TRIP11: variants seen among roughly 807,000 people sequenced by gnomAD.
The protein encoded by TRIP11 is thyroid hormone receptor interactor 11.
TRIP11 carries 148 observed loss-of-function variants against 223.1 expected under a neutral mutation model. The observed-to-expected ratio is 0.66, with a 90% CI of 0.58 to 0.76. The LOEUF (loss-of-function observed/expected upper bound fraction) is 0.76, where lower values mean the gene tolerates loss of function less well. Ranked by LOEUF, TRIP11 falls within the 30% of genes least tolerant of loss-of-function variation. The probability of loss-of-function intolerance (pLI) is 0.00; values close to 1 mark genes in which losing one functional copy is unlikely to be tolerated. For synonymous variants in TRIP11, 762 were observed against 772.6 expected (o/e 0.99, Z 0.23); for missense variants, 2,043 against 2,222.0 (o/e 0.92, Z 1.62).
Position 91,969,743 on chromosome 14 carries a change from G to A in TRIP11, c.5870C>T (p.Thr1957Ile). The A allele has an allele frequency of 1.2e-6, 2 of 1,613,802 alleles. No homozygotes were observed. The highest frequency in any genetic ancestry group is 8.5e-7 in the Non-Finnish European group (1 of 1,180,040). ...AGGTAACGCTGGCAAAGGTGTAAAT[G>A]TGGGCAAAACATCTGAGATGGGTTT... Reference protein sequence around the residue: ...LLKPISDVLPTFTPLPALPDN... With the variant: ...LLKPISDVLPIFTPLPALPDN... The change falls in exon 21 of 21, where the codon ACA becomes ATA. Residue 1957 changes from threonine to isoleucine, a missense_variant. By Grantham distance (89) the Thr-to-Ile change is moderately conservative. Coordinates refer to ENST00000267622, the MANE Select transcript of TRIP11 (RefSeq NM_004239.4).
At chr14:92,038,119 T>C (rs997953097) in intron 1 of TRIP11, among the ~76,000 whole-genome samples, 2 of 151,816 alleles carry the variant, frequency 1.3e-5, no homozygotes, top group Admixed American at 6.6e-5. Context: ...AAGTAGGAGA[T>C]GAAAAAAGAC....
chr14:91,996,434 T>C (rs1184783480), intron 13 of TRIP11, among the ~76,000 whole-genome samples: 1 of 152,152 alleles, frequency 6.6e-6, no homozygotes, highest in Non-Finnish European at 1.5e-5. Context: ...CCCAGCCCTT[T>C]GAGAGGCCAA....
chr14:92,002,800 C>CA (rs1285556318), intron 11 of TRIP11, among the ~76,000 whole-genome samples: 2 of 151,996 alleles, frequency 1.3e-5, no homozygotes, highest in Non-Finnish European at 2.9e-5. Flanking sequence ...AGGCTGGTCT[C>CA]AAACTCCTGA....
At chr14:91,974,476 C>T (rs905758020) in intron 19 of TRIP11, 151 bp downstream of exon 19, 4 of 645,556 alleles carry the variant, frequency 6.2e-6, no homozygotes, top group African/African-American at 5.5e-5. Context: ...TATCCTTAAG[C>T]TTAATCACCT....
chr14:91,985,839 G>A (rs547049783), intron 16 of TRIP11, among the ~76,000 whole-genome samples: 145 of 152,246 alleles, frequency 9.5e-4, no homozygotes, highest in Middle Eastern at 3.4e-3. Flanking sequence ...AATATACAGC[G>A]ATTCTTTTGA....
intron 14 of TRIP11, among the ~76,000 whole-genome samples, chr14:91,994,442 C>T (rs1380655854): frequency 4.6e-5 from 7 of 152,028 alleles, no homozygotes; most frequent in Non-Finnish European, 1.5e-5. Flanking sequence ...TGGGGTTTCA[C>T]CACATTGGCC....
intron 15 of TRIP11, among the ~76,000 whole-genome samples, chr14:91,989,858 T>C (rs759932764): frequency 3.9e-5 from 6 of 152,118 alleles, no homozygotes; most frequent in Non-Finnish European, 8.8e-5. Context: ...AAAGAAGAAA[T>C]TCCTTCTTTG....
Position 92,017,689 on chromosome 14 carries a change from A to T in TRIP11, c.650T>A (p.Ile217Asn), listed in dbSNP as rs995591815. 1 of 1,611,210 alleles carries T rather than the reference A, an allele frequency of 6.2e-7. No homozygotes were observed. The highest frequency in any genetic ancestry group is 8.5e-7 in the Non-Finnish European group (1 of 1,178,086). ...ATCAACAATTTGACTTACCTTAATG[A>T]TATTTTGTAGTTTACATATTTCACT... ...DQSEICKLQN[I>N]IKELKQNRSQ... Residue 217 changes from isoleucine (I) to asparagine (N), a missense_variant, in exon 5 of 21, where the codon ATC (isoleucine) becomes AAC (asparagine). Physicochemically the swap from Ile to Asn is moderately radical, Grantham distance 149. Coordinates refer to ENST00000267622, the MANE Select transcript of TRIP11 (RefSeq NM_004239.4).
intron 16 of TRIP11, among the ~76,000 whole-genome samples, chr14:91,982,311 G>A (rs183729319): frequency 2.0e-5 from 3 of 152,224 alleles, no homozygotes; most frequent in East Asian, 3.9e-4. Flanking sequence ...TATTATGAGT[G>A]GTTATATACT....
rs2056629170 is a variant in TRIP11, at chr14:91,988,376, A to T, written c.5168T>A (p.Leu1723Ter). 6.2e-7 allele frequency: 1 copy of T among 1,613,512 alleles called. No homozygotes were observed. Among genetic ancestry groups the T allele is most frequent in the East Asian group, 2.2e-5 (1 of 44,862 alleles). ...ATCCAATGCAGCATTTGCTTCATCC[A>T]AACATTCCTGAGAAAGAAAACTTTA... Reference protein sequence around the residue: ...EGKVISLQECLDEANAALDSA... With the variant: ...EGKVISLQEC The change falls in exon 16 of 21, where the codon TTG becomes TAG. Residue 1723 changes from leucine (L) to a stop codon, truncating the protein, a stop_gained. Coordinates refer to ENST00000267622, the MANE Select transcript of TRIP11 (RefSeq NM_004239.4). LOFTEE classifies it high-confidence loss of function.
intron 19 of TRIP11, 92 bp from the exon 20 acceptor site, chr14:91,972,953 TA>T: frequency 3.7e-6 from 4 of 1,089,378 alleles, no homozygotes; most frequent in Non-Finnish European, 5.2e-6. Flanking sequence ...AATTAAATAT[TA>T]AAAATTAATC....
rs372507262 is a variant in TRIP11, at chr14:91,999,234, A to T, written c.4892+6T>A. 4.3e-6 allele frequency: 7 copies of T among 1,612,114 alleles called. No homozygotes were observed. The highest frequency in any genetic ancestry group is 5.9e-6 in the Non-Finnish European group (7 of 1,179,746). On this transcript the variant is annotated splice_donor_region_variant and intron_variant, in intron 13 of 20. Coordinates refer to ENST00000267622, the MANE Select transcript of TRIP11 (RefSeq NM_004239.4). ...TAAAGTTAATGCAAAAAAATGAAAA[A>T]ATTACCTTGCATTTTCCATTGCATT...
rs546467807 is a variant in TRIP11, at chr14:92,026,994, C to T, written c.202-1574G>A. Reference sequence around the variant, plus strand: ...GTGGTCACCTTCAAGTAGAGAGGCCCGCCCGCCCACCGTGGGCAGTGCCAC... The same window carrying T: ...GTGGTCACCTTCAAGTAGAGAGGCCTGCCCGCCCACCGTGGGCAGTGCCAC... On this transcript the variant is annotated intron_variant, in intron 2 of 20. Coordinates refer to ENST00000267622, the MANE Select transcript of TRIP11 (RefSeq NM_004239.4). 37 of 761,386 alleles carry T rather than the reference C, an allele frequency of 4.9e-5. No individual in the cohort carries two copies. In the East Asian group the frequency reaches 7.0e-4, roughly 14 times the overall value. 47.2% of individuals were successfully genotyped at this position (761,386 alleles called of 1,614,324 possible).
intron 14 of TRIP11, 86 bp from the exon 15 acceptor site, chr14:91,993,998 A>G (rs2056715349): frequency 8.0e-6 from 8 of 996,626 alleles, no homozygotes; most frequent in Non-Finnish European, 1.2e-5. Flanking sequence ...TAATAATCCA[A>G]CGAAAACAGT....
intron 13 of TRIP11, among the ~76,000 whole-genome samples, chr14:91,997,730 T>C (rs1396976829): frequency 6.6e-6 from 1 of 152,108 alleles, no homozygotes; most frequent in Non-Finnish European, 1.5e-5. Flanking sequence ...ATGTAGCTGA[T>C]AACATGAAAT....
chr14:91,977,143 G>T, intron 16 of TRIP11: 1 of 431,864 alleles, frequency 2.3e-6, no homozygotes, highest in Non-Finnish European at 4.6e-6. Flanking sequence ...TTTGAATTAT[G>T]CTGCATTTTC....
chr14:91,992,426 A>C (rs1385204275), intron 15 of TRIP11, among the ~76,000 whole-genome samples: 3 of 152,160 alleles, frequency 2.0e-5, no homozygotes, highest in Non-Finnish European at 4.4e-5. Context: ...TGTTAGTCTT[A>C]TATTTTATAC....
rs1166800198 is a variant in TRIP11, at chr14:91,966,256, G to T, written c.*3417C>A. ...ATTTAACTTTTTAATAAGTTAAAAA[G>T]TAAAGACTGGCAAATAATCACAAAT... is the stretch of plus-strand genomic sequence containing the variant. On this transcript the variant is annotated 3_prime_UTR_variant, in exon 21 of 21. Transcript: ENST00000267622. 5.6e-6 allele frequency: 1 copy of T among 177,444 alleles called. No individual in the cohort carries two copies. Among genetic ancestry groups the T allele is most frequent in the African/African-American group, 2.4e-5 (1 of 42,256 alleles). The allele number at this position is 177,444 out of a possible 1,614,324, so 11.0% of individuals were successfully genotyped here.
chr14:91,995,414 T>A lies in TRIP11; in HGVS notation c.4994A>T (p.Gln1665Leu). The stretch of plus-strand genomic sequence containing the variant: ...CAGTGACAGAGCATACTGCTTTACT[T>A]GTTCCTGAGAGACAGAAAGCTGCAG... ...TALQLSVSQE[Q>L]VKQYALSLAN... is the part of the protein sequence containing the mutation. Residue 1665 changes from glutamine to leucine, a missense_variant, in exon 14 of 21, where the codon CAA (glutamine) becomes CTA (leucine). By Grantham distance (113) the Gln-to-Leu change is moderately radical (BLOSUM62 -2). Transcript: ENST00000267622. 6.2e-7 allele frequency: 1 copy of A among 1,614,142 alleles called. No homozygotes were observed. Among genetic ancestry groups the A allele is most frequent in the Non-Finnish European group, 8.5e-7 (1 of 1,180,008 alleles).
Sources: gnomAD v4.1 joint callset for allele counts (sites outside exome capture counted in the v4.1 genomes callset) on GRCh38, gnomAD v4.1.1 for gene constraint, MANE v1.5 for transcripts, NCBI Gene and HGNC (gene_info 2026-07-23, HGNC 2026-07-21) for gene names.